The following IL1R1 variants were observed in gnomAD, a reference collection of about 807,000 sequenced individuals.
The protein encoded by IL1R1 is interleukin 1 receptor type 1.
In IL1R1, 22 loss-of-function variants were observed where a neutral mutation model predicts 50.2. That is an observed-to-expected ratio of 0.44 (90% confidence interval 0.31 to 0.63). The LOEUF is 0.63. IL1R1 is among the 20% of genes least tolerant of loss of function. The pLI, the probability that IL1R1 is intolerant of heterozygous loss-of-function variation, is 0.07. For synonymous variants in IL1R1, 251 were observed against 236.7 expected (o/e 1.06, Z -0.55); for missense variants, 509 against 676.2 (o/e 0.75, Z 2.74).
intron 1 of IL1R1, among the ~76,000 whole-genome samples, chr2:102,071,818 T>A (rs932379260): frequency 2.0e-5 from 3 of 152,198 alleles, no homozygotes; most frequent in African/African-American, 7.2e-5. Flanking sequence ...AGATCCACCC[T>A]GGTTGAACCC....
chr2:102,104,995 G>A (rs1420713298), intron 1 of IL1R1: 2 of 152,082 alleles, frequency 1.3e-5, no homozygotes, highest in Non-Finnish European at 2.9e-5. Flanking sequence ...AAAAGGTAAC[G>A]TTATATTGTT....
intron 1 of IL1R1, among the ~76,000 whole-genome samples, chr2:102,151,436 C>T (rs560090962): frequency 8.2e-4 from 125 of 152,272 alleles, no homozygotes; most frequent in African/African-American, 2.8e-3. Context: ...TAGGTGGATT[C>T]CTTCCCTCCC....
rs146232555 is a variant in IL1R1 at position 102,113,632 on chromosome 2, C to A, written c.-84+8760C>A. 6.0e-4 allele frequency among the ~76,000 whole-genome samples: 92 copies of A among 152,248 alleles called. No individual in the cohort carries two copies. The East Asian group carries it at 0.016, about 26-fold the overall frequency. ...TTTTCATTACTTGCGATTTTATTTG[C>A]TGTCTCCTTGATCTTGCTTGCCCCG... On this transcript the variant is annotated intron_variant, in intron 1 of 10. Coordinates refer to the IL1R1 transcript ENST00000409329.
chr2:102,141,668 C>G (rs1682654703), upstream of IL1R1: 1 of 152,136 alleles, frequency 6.6e-6, no homozygotes, highest in South Asian at 2.1e-4. Context: ...AGAGGCATAT[C>G]CAGGGGTGGG....
At chr2:102,073,194 C>T (rs1261142839) in intron 1 of IL1R1, among the ~76,000 whole-genome samples, 1 of 152,284 alleles carries the variant, frequency 6.6e-6, no homozygotes, top group East Asian at 1.9e-4. Flanking sequence ...TTTATTCATT[C>T]CACAGCTATT....
chr2:102,076,899 A>G (rs1678990898), intron 1 of IL1R1, among the ~76,000 whole-genome samples: 1 of 151,966 alleles, frequency 6.6e-6, no homozygotes, highest in Non-Finnish European at 1.5e-5. Context: ...TTCCTCTCTC[A>G]TAATCCCCCC....
Position 102,164,785 on chromosome 2 carries a change from G to C in IL1R1, c.73G>C (p.Glu25Gln), listed in dbSNP as rs1205738901. 2.5e-6 allele frequency: 4 copies of C among 1,612,324 alleles called. No homozygotes were observed. The African/African-American group carries it at 5.3e-5, about 22-fold the overall frequency. Residue 25 changes from glutamate to glutamine, a missense_variant, in exon 4 of 12, where the codon GAA (glutamate) becomes CAA (glutamine). Transcript: ENST00000410023. Reference protein sequence around the residue: ...ISSLEADKCKEREEKIILVSS... With the variant: ...ISSLEADKCKQREEKIILVSS... ...TCTTCCTTTTAAAGATAAATGCAAG[G>C]AACGTGAAGAAAAAATAATTTTAGT... is the stretch of plus-strand genomic sequence containing the variant.
chr2:102,096,522 A>T (rs1679909689), intron 1 of IL1R1, among the ~76,000 whole-genome samples: 1 of 152,082 alleles, frequency 6.6e-6, no homozygotes, highest in Non-Finnish European at 1.5e-5. Flanking sequence ...TCTATTCTGT[A>T]AAATGCCTGT....
chr2:102,142,066 G>A (rs1034163281), upstream of IL1R1: 6 of 152,124 alleles, frequency 3.9e-5, no homozygotes, highest in African/African-American at 1.4e-4. Flanking sequence ...CCCCAAGTGT[G>A]GTATCAAGAT....
chr2:102,111,883 C>A lies in IL1R1; in HGVS notation c.-84+7011C>A, dbSNP rs1023977413. On this transcript the variant is annotated intron_variant, in intron 1 of 10. Coordinates refer to the IL1R1 transcript ENST00000409329. Reference sequence around the variant, plus strand: ...CTAACTTTAGAAAGATAGAGGTGACCAACTGAGAGCTTTCCTCAGGGCTTC... The same window carrying A: ...CTAACTTTAGAAAGATAGAGGTGACAAACTGAGAGCTTTCCTCAGGGCTTC... Among the ~76,000 whole-genome samples the A allele has an allele frequency of 1.5e-4, 23 of 152,122 alleles. 1 individual carries two copies. The East Asian group carries it at 1.5e-3, about 10-fold the overall frequency.
chr2:102,111,572 A>T (rs1680765973), intron 1 of IL1R1, among the ~76,000 whole-genome samples: 2 of 152,220 alleles, frequency 1.3e-5, no homozygotes, highest in African/African-American at 2.4e-5. Context: ...GCTGGGGATG[A>T]TGAGAGGAAG....
chr2:102,136,374 A>T (rs372657561), intron 1 of IL1R1, among the ~76,000 whole-genome samples: 26 of 118,354 alleles, frequency 2.2e-4, no homozygotes, highest in Admixed American at 4.9e-4. Flanking sequence ...GGATAACAGT[A>T]TTTTTTTTTT....
chr2:102,157,900 G>A (rs1684341018), intron 3 of IL1R1, 115 bp downstream of exon 3: 3 of 709,646 alleles, frequency 4.2e-6, no homozygotes, highest in Non-Finnish European at 7.3e-6. Flanking sequence ...TGAATCTCTG[G>A]GCACAGAGCC....
intron 1 of IL1R1, among the ~76,000 whole-genome samples, chr2:102,147,081 C>T (rs1316370220): frequency 6.6e-6 from 1 of 152,040 alleles, no homozygotes; most frequent in East Asian, 1.9e-4. Flanking sequence ...TGGTAGAGGT[C>T]GAGTTAGAAA....
chr2:102,104,448 A>G (rs1264242385), upstream of IL1R1: 1 of 152,332 alleles, frequency 6.6e-6, no homozygotes, highest in Non-Finnish European at 1.5e-5. Context: ...GAAACTTTAG[A>G]GGTTACCGTG....
upstream of IL1R1, among the ~76,000 whole-genome samples, chr2:102,100,382 C>T (rs1254392082): frequency 6.6e-6 from 1 of 152,172 alleles, no homozygotes; most frequent in Non-Finnish European, 1.5e-5. Flanking sequence ...AACCAAATAC[C>T]TGGAACTGAG....
chr2:102,111,430 C>G (rs1431538382), intron 1 of IL1R1, among the ~76,000 whole-genome samples: 1 of 152,196 alleles, frequency 6.6e-6, no homozygotes, highest in African/African-American at 2.4e-5. Flanking sequence ...AAAATACGTT[C>G]TACGTCTCTC....
chr2:102,109,647 C>T (rs1680631278), intron 1 of IL1R1, among the ~76,000 whole-genome samples: 1 of 152,218 alleles, frequency 6.6e-6, no homozygotes, highest in African/African-American at 2.4e-5. Flanking sequence ...TCAGCCTCAG[C>T]TTCTCTGAAC....
chr2:102,178,315 G>A lies in IL1R1; in HGVS notation c.*1556G>A, dbSNP rs1226098876. On this transcript the variant is annotated 3_prime_UTR_variant, in exon 12 of 12. Transcript: ENST00000410023. ...CAGCTGGAATTGCTGCTCTCTGAGG[G>A]AGAGGCTGTGGTGGCTGTCTCTGTC... The A allele has an allele frequency of 6.6e-6, 1 of 152,392 alleles. No homozygotes were observed. Among genetic ancestry groups the A allele is most frequent in the Non-Finnish European group, 1.5e-5 (1 of 68,080 alleles). The allele number at this position is 152,392 out of a possible 1,614,324, so 9.4% of individuals were successfully genotyped here.
Sources: gnomAD v4.1 joint callset for allele counts (sites outside exome capture counted in the v4.1 genomes callset) on GRCh38, gnomAD v4.1.1 for gene constraint, MANE v1.5 for transcripts, NCBI Gene and HGNC (gene_info 2026-07-23, HGNC 2026-07-21) for gene names.